The following SFMBT2 variants were observed in gnomAD, a reference collection of about 807,000 sequenced individuals.
SFMBT2 encodes the protein scm-like with four MBT domains protein 2.
Under a neutral mutation model 110.1 loss-of-function variants are expected in SFMBT2, and 38 were observed. The ratio of observed to expected loss-of-function variants is 0.35; its 90% CI spans 0.27 to 0.45. The LOEUF is 0.45. Among genes scored for constraint, SFMBT2 ranks in the 20% least tolerant of loss-of-function variants. The pLI is 1.00. For synonymous variants in SFMBT2, 425 were observed against 425.4 expected, an observed-to-expected ratio of 1.00 and a Z score of 0.01; for missense variants, 1,011 against 1,094.9, an observed-to-expected ratio of 0.92 and a Z score of 1.08.
chr10:7,397,674 CATGTT>C (rs1418642858), intron 1 of SFMBT2, among the ~76,000 whole-genome samples: 2 of 152,150 alleles, frequency 1.3e-5, no homozygotes, highest in African/African-American at 4.8e-5. Context: ...TCACTGTTTC[CATGTT>C]CCTAAGAAGC....
intron 1 of SFMBT2, among the ~76,000 whole-genome samples, chr10:7,387,595 A>C (rs1406349934): frequency 6.6e-6 from 1 of 151,942 alleles, no homozygotes; most frequent in Non-Finnish European, 1.5e-5. Context: ...GAAAATTAGG[A>C]GAGGCTCAAG....
chr10:7,244,374 T>C (rs1293178863), intron 8 of SFMBT2, among the ~76,000 whole-genome samples: 2 of 152,244 alleles, frequency 1.3e-5, no homozygotes, highest in African/African-American at 2.4e-5. Flanking sequence ...AACTTCTGTA[T>C]TGAAAACTCT....
chr10:7,238,898 C>T (rs984918270), intron 9 of SFMBT2, among the ~76,000 whole-genome samples: 4 of 152,178 alleles, frequency 2.6e-5, no homozygotes, highest in African/African-American at 9.7e-5. Context: ...TTGTTGATCA[C>T]TTTTCATAGT....
chr10:7,332,620 G>A (rs1334611966), intron 4 of SFMBT2, among the ~76,000 whole-genome samples: 2 of 152,126 alleles, frequency 1.3e-5, no homozygotes, highest in Non-Finnish European at 2.9e-5. Context: ...ACAAGCCAAA[G>A]TGAAAACAAG....
At chr10:7,295,690 CAGTGTTCG>C (rs1564426419) in intron 4 of SFMBT2, among the ~76,000 whole-genome samples, 1 of 152,174 alleles carries the variant, frequency 6.6e-6, no homozygotes. Flanking sequence ...TTATCACTTT[CAGTGTTCG>C]TTTCAGCATG....
chr10:7,343,786 T>C (rs752835519), intron 4 of SFMBT2, among the ~76,000 whole-genome samples: 3 of 152,218 alleles, frequency 2.0e-5, no homozygotes, highest in Non-Finnish European at 4.4e-5. Context: ...GTGATGGTTC[T>C]AACTTAGAAG....
intron 11 of SFMBT2, among the ~76,000 whole-genome samples, chr10:7,207,160 G>C (rs1247848963): frequency 6.6e-6 from 1 of 152,080 alleles, no homozygotes. Context: ...AGGAGTTTGA[G>C]ATCAGCCTGG....
chr10:7,177,872 A>G (rs560828854), intron 16 of SFMBT2, among the ~76,000 whole-genome samples: 1 of 103,364 alleles, frequency 9.7e-6, no homozygotes, highest in Non-Finnish European at 2.4e-5. Context: ...AAAAAAAAAG[A>G]AGAAGAAGAA....
At chr10:7,204,871 CT>C in intron 12 of SFMBT2, 17 of 937,244 alleles carry the variant, frequency 1.8e-5, no homozygotes, top group Non-Finnish European at 2.0e-5. Flanking sequence ...GAAACTCCAT[CT>C]TTAAAAAAAA....
intron 16 of SFMBT2, among the ~76,000 whole-genome samples, chr10:7,178,052 G>A (rs983797435): frequency 2.0e-5 from 3 of 152,160 alleles, no homozygotes; most frequent in African/African-American, 7.2e-5. Context: ...AATAAACATC[G>A]TTGCAAAAGC....
At chr10:7,284,591 G>C in intron 5 of SFMBT2, 1 of 296,262 alleles carries the variant, frequency 3.4e-6, no homozygotes, top group Non-Finnish European at 5.1e-6. Flanking sequence ...CGGTTTCCCA[G>C]ACATTCATCT....
chr10:7,313,294 G>A (rs1472046225), intron 4 of SFMBT2, among the ~76,000 whole-genome samples: 22 of 151,924 alleles, frequency 1.4e-4, no homozygotes, highest in Admixed American at 1.4e-3. Context: ...AAAACCTAGA[G>A]GGGCGAATAT....
In SFMBT2 at chr10:7,170,992, G is replaced by C. The variant is rs748417020; in HGVS notation, c.2480C>G (p.Thr827Ser). Residue 827 changes from threonine to serine, a missense_variant, in exon 20 of 21, where the codon ACC becomes AGC. Coordinates refer to ENST00000397167, the MANE Select transcript of SFMBT2 (RefSeq NM_001387889.1). This position sits in a 1 kb window ranked among gnomAD's most constrained non-coding sequence, Gnocchi z 4.6. Reference sequence around the variant, plus strand: ...CAGCTTAATGAACCTCACCACGTCGGTGACCGTCCACTCCAACGGGTTGCT... The same window carrying C: ...CAGCTTAATGAACCTCACCACGTCGCTGACCGTCCACTCCAACGGGTTGCT... Reference protein sequence around the residue: ...LESNPLEWTVTDVVRFIKLTD... With the variant: ...LESNPLEWTVSDVVRFIKLTD... 6.2e-7 allele frequency: 1 copy of C among 1,614,190 alleles called. No homozygotes were observed. The highest frequency in any genetic ancestry group is 8.5e-7 in the Non-Finnish European group (1 of 1,180,034).
intron 14 of SFMBT2, among the ~76,000 whole-genome samples, chr10:7,198,861 T>A (rs1838860306): frequency 6.6e-6 from 1 of 152,212 alleles, no homozygotes; most frequent in East Asian, 1.9e-4. Flanking sequence ...GCCAACATGG[T>A]GAGACCTCAT....
chr10:7,222,733 G>A (rs762151651), intron 10 of SFMBT2, among the ~76,000 whole-genome samples: 4 of 151,602 alleles, frequency 2.6e-5, no homozygotes, highest in Non-Finnish European at 5.9e-5. Flanking sequence ...ATAGTGGCAT[G>A]ATCTCAGCTC....
intron 1 of SFMBT2, among the ~76,000 whole-genome samples, chr10:7,401,581 G>A (rs755920522): frequency 4.6e-5 from 7 of 152,164 alleles, no homozygotes; most frequent in Non-Finnish European, 1.0e-4. Context: ...GAAAGTAAAC[G>A]TTGCCCTCTG....
intron 4 of SFMBT2, chr10:7,287,260 T>C (rs1842121290): frequency 1.3e-5 from 2 of 153,978 alleles, no homozygotes; most frequent in Admixed American, 6.6e-5. Context: ...TTTGTATTTT[T>C]AGTAGAGACG....
At chr10:7,368,310 C>CTATT in intron 3 of SFMBT2, 1 of 984,354 alleles carries the variant, frequency 1.0e-6, no homozygotes, top group Non-Finnish European at 1.2e-6. Flanking sequence ...ATGATAGGGG[C>CTATT]TATTCCATGA....
Position 7,171,342 on chromosome 10 carries a change from C to T in SFMBT2, c.2416-286G>A, listed in dbSNP as rs976167708. Reference sequence around the variant, plus strand: ...AGGAAACCTTGGGCCTGCTTATGAACGAAGCATCTCTGATTAGAGAAAAGA... The same window carrying T: ...AGGAAACCTTGGGCCTGCTTATGAATGAAGCATCTCTGATTAGAGAAAAGA... On this transcript the variant is annotated intron_variant, in intron 19 of 20. Coordinates refer to ENST00000397167, the MANE Select transcript of SFMBT2 (RefSeq NM_001387889.1). This position sits in a 1 kb window ranked among gnomAD's most constrained non-coding sequence, Gnocchi z 4.9. The T allele has an allele frequency of 7.2e-6, 7 of 976,720 alleles. No homozygotes were observed. Among genetic ancestry groups the T allele is most frequent in the East Asian group, 1.1e-4 (1 of 8,756 alleles). The allele number at this position is 976,720 out of a possible 1,614,324, so 60.5% of individuals were successfully genotyped here.
Sources: allele counts gnomAD v4.1 joint callset (sites outside exome capture counted in the v4.1 genomes callset), GRCh38; gene constraint gnomAD v4.1.1; non-coding constraint Gnocchi (gnomAD v3.1); transcripts MANE v1.5; gene names NCBI Gene and HGNC (gene_info 2026-07-23, HGNC 2026-07-21).